Variants in JARID2 observed in about 807,000 individuals in gnomAD.
JARID2 encodes the protein jumonji and AT-rich interaction domain containing 2, also known as protein Jumonji.
Under a neutral mutation model 125.6 loss-of-function variants are expected in JARID2, and 21 were observed. The ratio of observed to expected loss-of-function variants is 0.17; its 90% CI spans 0.12 to 0.24. The LOEUF is 0.24. Among genes scored for constraint, JARID2 ranks in the 10% least tolerant of loss-of-function variants. The probability of loss-of-function intolerance (pLI) is 1.00; values close to 1 mark genes in which losing one functional copy is unlikely to be tolerated. For synonymous variants in JARID2, 736 were observed against 661.6 expected, an observed-to-expected ratio of 1.11 and a Z score of -1.73; for missense variants, 1,303 against 1,639.6, an observed-to-expected ratio of 0.79 and a Z score of 3.55.
At chr6:15,333,319 A>C (rs1322881349) in intron 1 of JARID2, among the ~76,000 whole-genome samples, 2 of 152,124 alleles carry the variant, frequency 1.3e-5, no homozygotes, top group South Asian at 2.1e-4. Flanking sequence ...ATTGTGGACT[A>C]TTTTCATCAA....
In JARID2 at chr6:15,496,660, G is replaced by T. The variant is rs764274821; in HGVS notation, c.1435G>T (p.Gly479Cys). 5 of 1,612,538 alleles carry T rather than the reference G, an allele frequency of 3.1e-6. No homozygotes were observed. The Admixed American group carries it at 6.7e-5, about 22-fold the overall frequency. ...GPGKKAPAER[G>C]LLNGHVKKEV... ...TGGCAAGAAGGCCCCGGCCGAGAGA[G>T]GTCTGCTGAACGGACACGTGAAGAA... is the stretch of plus-strand genomic sequence containing the variant. The change falls in exon 7 of 18, where the codon GGT becomes TGT. Residue 479 changes from glycine to cysteine, a missense_variant. Around this residue, in one of 11 missense-constraint regions of JARID2, gnomAD observed 651 missense variants for 581.6 expected, o/e 1.12. Coordinates refer to ENST00000341776, the MANE Select transcript of JARID2 (RefSeq NM_004973.4).
At chr6:15,390,732 G>T (rs1261075510) in intron 2 of JARID2, among the ~76,000 whole-genome samples, 1 of 152,154 alleles carries the variant, frequency 6.6e-6, no homozygotes, top group Non-Finnish European at 1.5e-5. Flanking sequence ...GACCATCAGA[G>T]ATTTCCTGGA....
chr6:15,280,428 A>G (rs1760706401), intron 1 of JARID2, among the ~76,000 whole-genome samples: 1 of 152,280 alleles, frequency 6.6e-6, no homozygotes, highest in East Asian at 1.9e-4. Flanking sequence ...CTCCTGCATT[A>G]AAAAAGATCA....
At chr6:15,502,729 C>T (rs1347860409) in intron 8 of JARID2, among the ~76,000 whole-genome samples, 1 of 152,222 alleles carries the variant, frequency 6.6e-6, no homozygotes, top group Non-Finnish European at 1.5e-5. Context: ...AAGAGGTACC[C>T]AGTTTTTCTG....
At chr6:15,249,908 G>A (rs1759376536) in intron 1 of JARID2, among the ~76,000 whole-genome samples, 1 of 152,088 alleles carries the variant, frequency 6.6e-6, no homozygotes, top group African/African-American at 2.4e-5. Flanking sequence ...AGCCCCAATC[G>A]ACTTGGACAA....
intron 3 of JARID2, among the ~76,000 whole-genome samples, chr6:15,442,632 C>A (rs936493408): frequency 6.6e-6 from 1 of 152,168 alleles, no homozygotes; most frequent in Non-Finnish European, 1.5e-5. Flanking sequence ...GGGATGGCGG[C>A]GCAGACAGCC....
intron 1 of JARID2, among the ~76,000 whole-genome samples, chr6:15,302,642 A>G (rs1402809096): frequency 2.6e-5 from 4 of 152,212 alleles, no homozygotes; most frequent in Admixed American, 6.5e-5. Flanking sequence ...CAGGCTGTCC[A>G]TTGCCTAGGA....
At chr6:15,507,325 C>T (rs374095363) in intron 10 of JARID2, 21 bp from the exon 11 acceptor site, 174 of 1,611,712 alleles carry the variant, frequency 1.1e-4, no homozygotes, top group Non-Finnish European at 1.4e-4. Flanking sequence ...TTTGTAACGT[C>T]CCTCGTCTTC....
intron 1 of JARID2, among the ~76,000 whole-genome samples, chr6:15,350,795 T>G (rs2127481225): frequency 6.6e-6 from 1 of 151,908 alleles, no homozygotes; most frequent in African/African-American, 2.4e-5. Context: ...GCTGTACATT[T>G]GATTTTAGTG....
chr6:15,509,735 A>G (rs1168747597), intron 12 of JARID2, among the ~76,000 whole-genome samples: 2 of 152,208 alleles, frequency 1.3e-5, no homozygotes, highest in Non-Finnish European at 2.9e-5. Flanking sequence ...TCCCCAGGCC[A>G]GTGACCTCAG....
chr6:15,369,097 T>C (rs1581465902), intron 1 of JARID2, among the ~76,000 whole-genome samples: 1 of 152,194 alleles, frequency 6.6e-6, no homozygotes, highest in Admixed American at 6.5e-5. Context: ...ATAAAAGGCA[T>C]GTGATGTTAT....
At chr6:15,413,495 G>T (rs537972134) in intron 3 of JARID2, among the ~76,000 whole-genome samples, 14 of 152,320 alleles carry the variant, frequency 9.2e-5, no homozygotes, top group African/African-American at 3.1e-4. Flanking sequence ...TGGAGGCTTG[G>T]TATTCAAAGA....
chr6:15,435,487 C>T (rs74579117), intron 3 of JARID2, among the ~76,000 whole-genome samples: 1,525 of 152,248 alleles, frequency 0.01, 28 homozygotes, highest in African/African-American at 0.034. Flanking sequence ...CACCTTCCTC[C>T]CAGTGCCAGT....
At chr6:15,421,232 G>A (rs1766475215) in intron 3 of JARID2, among the ~76,000 whole-genome samples, 1 of 152,100 alleles carries the variant, frequency 6.6e-6, no homozygotes, top group Non-Finnish European at 1.5e-5. Context: ...GGTGGCCGTT[G>A]TTTTGTGTGG....
chr6:15,509,249 A>G (rs1771158620), intron 12 of JARID2: 1 of 1,203,706 alleles, frequency 8.3e-7, no homozygotes, highest in Non-Finnish European at 1.1e-6. Flanking sequence ...AAATGACTAC[A>G]AATAATCAGA....
chr6:15,486,184 AG>A (rs1464696744), intron 5 of JARID2, among the ~76,000 whole-genome samples: 1 of 152,266 alleles, frequency 6.6e-6, no homozygotes, highest in African/African-American at 2.4e-5. Context: ...CCTTCCCTGA[AG>A]AAACAGGCCC....
At chr6:15,359,726 T>C (rs561496813) in intron 1 of JARID2, among the ~76,000 whole-genome samples, 24 of 151,664 alleles carry the variant, frequency 1.6e-4, no homozygotes, top group Non-Finnish European at 3.1e-4. Context: ...TTTTTTTTTT[T>C]ATTTGAGATG....
chr6:15,297,430 C>T (rs374987970), intron 1 of JARID2, among the ~76,000 whole-genome samples: 13 of 151,944 alleles, frequency 8.6e-5, no homozygotes, highest in Non-Finnish European at 1.5e-4. Context: ...AGCCACCGCC[C>T]GGCCTGGTTG....
Position 15,289,876 on chromosome 6 carries a change from T to G in JARID2, c.45+43292T>G, listed in dbSNP as rs1162759170. Reference sequence around the variant, plus strand: ...AACAAAAATAAAAAACATGATATAATTGGGACAAGAAGCACTGTGTATTGC... The same window carrying G: ...AACAAAAATAAAAAACATGATATAAGTGGGACAAGAAGCACTGTGTATTGC... On this transcript the variant is annotated intron_variant, in intron 1 of 17. Coordinates refer to ENST00000341776, the MANE Select transcript of JARID2 (RefSeq NM_004973.4). Among the ~76,000 whole-genome samples the G allele has an allele frequency of 2.0e-5, 3 of 152,176 alleles. No homozygotes were observed. The East Asian group carries it at 5.8e-4, about 29-fold the overall frequency.
Sources: allele counts gnomAD v4.1 joint callset (sites outside exome capture counted in the v4.1 genomes callset), GRCh38; gene constraint gnomAD v4.1.1; regional missense constraint gnomAD v4.1.1; transcripts MANE v1.5; gene names NCBI Gene and HGNC (gene_info 2026-07-23, HGNC 2026-07-21).